Variants in NPHP4 observed in about 807,000 individuals in gnomAD.
The protein encoded by NPHP4 is nephrocystin-4.
NPHP4 carries 151 observed loss-of-function variants against 155.8 expected under a neutral mutation model. The observed-to-expected ratio is 0.97, with a 90% CI of 0.85 to 1.11. The LOEUF is 1.11. NPHP4 is among the 50% of genes least tolerant of loss of function. The pLI, the probability that NPHP4 is intolerant of heterozygous loss-of-function variation, is 0.00. For missense variants in NPHP4, 1,956 were observed against 1,925.7 expected (o/e 1.02, Z -0.29); for synonymous variants, 845 against 816.8 (o/e 1.03, Z -0.59).
chr1:5,938,889 A>G (rs1003114018), intron 9 of NPHP4, among the ~76,000 whole-genome samples: 2 of 152,266 alleles, frequency 1.3e-5, no homozygotes, highest in Admixed American at 1.3e-4. Context: ...ACTGTTAGAG[A>G]ACGATGTTAA....
chr1:5,874,863 T>C lies in NPHP4; in HGVS notation c.3044+11A>G. 2 of 1,611,530 alleles carry C rather than the reference T, an allele frequency of 1.2e-6. No individual in the cohort carries two copies. Among genetic ancestry groups the C allele is most frequent in the Non-Finnish European group, 8.5e-7 (1 of 1,177,870 alleles). ...TGGGCTGGGGCAGGACGGGCACCAC[T>C]GAGACCTCACCTGAGCTCGGGGTTG... On this transcript the variant is annotated intron_variant, in intron 21 of 29. Coordinates refer to ENST00000378156, the MANE Select transcript of NPHP4 (RefSeq NM_015102.5).
chr1:5,931,733 C>CAAAAAA (rs60217132), intron 10 of NPHP4, among the ~76,000 whole-genome samples: 1 of 79,312 alleles, frequency 1.3e-5, no homozygotes, highest in African/African-American at 4.8e-5. Flanking sequence ...GACTTCATCT[C>CAAAAAA]AAAAAAAAAA....
At position 5,986,279 on chromosome 1, in the gene NPHP4, C is replaced by T; in HGVS notation, c.11G>A (p.Trp4Ter). MND[W>*]HRIFTQNVLV... Reference sequence around the variant, plus strand: ...CACGTTTTGGGTGAAGATCCTGTGCCAGTCGTTCATCCTGCCCGCCTGAGG... The same window carrying T: ...CACGTTTTGGGTGAAGATCCTGTGCTAGTCGTTCATCCTGCCCGCCTGAGG... Residue 4 changes from tryptophan to a stop codon, truncating the protein, a stop_gained, in exon 2 of 30, where the codon TGG becomes TAG. Coordinates refer to ENST00000378156, the MANE Select transcript of NPHP4 (RefSeq NM_015102.5). LOFTEE classifies it high-confidence loss of function. 1 of 1,613,802 alleles carries T rather than the reference C, an allele frequency of 6.2e-7. No homozygotes were observed.
intron 1 of NPHP4, among the ~76,000 whole-genome samples, chr1:5,986,779 G>C (rs371706023): frequency 1.6e-4 from 25 of 152,250 alleles, no homozygotes; most frequent in African/African-American, 5.8e-4. Flanking sequence ...GCCAGACTCA[G>C]GGCACGACTC....
At chr1:5,931,799 G>T (rs747573626) in intron 10 of NPHP4, among the ~76,000 whole-genome samples, 1 of 150,586 alleles carries the variant, frequency 6.6e-6, no homozygotes, top group South Asian at 2.1e-4. Flanking sequence ...GCCATTATAG[G>T]TATGGTGACT....
chr1:5,879,777 G>A (rs11121921), intron 19 of NPHP4: 269,771 of 350,438 alleles, frequency 0.77, 103,049 homozygotes, highest in East Asian at 0.84. Flanking sequence ...CGAATGGTGC[G>A]CACACACACA....
In NPHP4 at chr1:5,905,611, C is replaced by T; in HGVS notation, c.1763+21G>A. The stretch of plus-strand genomic sequence containing the variant: ...GGCACAGCACGTGACTGGTTCCATC[C>T]CACCCAGACCCACACCTCACCTCCT... On this transcript the variant is annotated intron_variant, in intron 14 of 29. Transcript: ENST00000378156. This position sits in a 1 kb window ranked among gnomAD's most constrained non-coding sequence, Gnocchi z 4.0. 2.5e-6 allele frequency: 4 copies of T among 1,613,482 alleles called. No homozygotes were observed. Among genetic ancestry groups the T allele is most frequent in the Non-Finnish European group, 3.4e-6 (4 of 1,179,616 alleles).
rs957890718 is a variant in NPHP4, at chr1:5,892,874, T to A, written c.2144-1846A>T. Reference sequence around the variant, plus strand: ...CCCTGTCCTCCCCAAGCCCACCTCCTGCACCCCCTTCACAAACACCACGCC... The same window carrying A: ...CCCTGTCCTCCCCAAGCCCACCTCCAGCACCCCCTTCACAAACACCACGCC... On this transcript the variant is annotated intron_variant, in intron 16 of 29. Coordinates refer to ENST00000378156, the MANE Select transcript of NPHP4 (RefSeq NM_015102.5). This position sits in a 1 kb window ranked among gnomAD's most constrained non-coding sequence, Gnocchi z 4.5. Among the ~76,000 whole-genome samples the A allele has an allele frequency of 2.0e-5, 3 of 152,156 alleles. No individual in the cohort carries two copies. Among genetic ancestry groups the A allele is most frequent in the Non-Finnish European group, 4.4e-5 (3 of 68,014 alleles).
intron 16 of NPHP4, among the ~76,000 whole-genome samples, chr1:5,902,187 A>C (rs1644714931): frequency 6.6e-6 from 1 of 152,220 alleles, no homozygotes; most frequent in Non-Finnish European, 1.5e-5. Context: ...CTAACTAACT[A>C]GGCTGCTCAC....
rs758603352 is a variant in NPHP4 at position 5,905,506 on chromosome 1, G to A, written c.1764-23C>T. ...GAGCTGAGACACAGAGACTCCTCAGGTAGCCTCCCGGGAAAGGGGGGACCC... is the reference window on the plus strand; with the variant it reads ...GAGCTGAGACACAGAGACTCCTCAGATAGCCTCCCGGGAAAGGGGGGACCC... On this transcript the variant is annotated intron_variant, in intron 14 of 29. Coordinates refer to ENST00000378156, the MANE Select transcript of NPHP4 (RefSeq NM_015102.5). The surrounding 1 kb of genome is among the most constrained non-coding windows in gnomAD (Gnocchi z 4.0). The A allele has an allele frequency of 1.3e-6, 2 of 1,598,504 alleles. No homozygotes were observed. Among genetic ancestry groups the A allele is most frequent in the Non-Finnish European group, 1.7e-6 (2 of 1,168,644 alleles).
intron 23 of NPHP4, among the ~76,000 whole-genome samples, chr1:5,869,768 C>T (rs1041046887): frequency 4.6e-5 from 7 of 152,166 alleles, no homozygotes; most frequent in Non-Finnish European, 1.0e-4. Context: ...GTGTGGTCAG[C>T]AGATTGGTTA....
chr1:5,883,074 C>T (rs914987875), intron 18 of NPHP4, among the ~76,000 whole-genome samples: 8 of 152,176 alleles, frequency 5.3e-5, no homozygotes, highest in Non-Finnish European at 8.8e-5. Context: ...CTCTCCACCA[C>T]GGCGCCAGGT....
intron 18 of NPHP4, among the ~76,000 whole-genome samples, chr1:5,885,930 G>A (rs10779788): frequency 0.61 from 92,593 of 152,068 alleles, 28,224 homozygotes; most frequent in East Asian, 0.75. Context: ...TCCCTCTCCC[G>A]TCAGCGCCGG....
At chr1:5,891,938 T>C (rs981652236) in intron 16 of NPHP4, among the ~76,000 whole-genome samples, 10 of 152,094 alleles carry the variant, frequency 6.6e-5, no homozygotes, top group Non-Finnish European at 1.3e-4. Flanking sequence ...ACAGGGGACC[T>C]AGGGGGAGCG....
At chr1:5,903,423 T>C (rs764893281) in intron 16 of NPHP4, among the ~76,000 whole-genome samples, 17 of 152,190 alleles carry the variant, frequency 1.1e-4, no homozygotes, top group Non-Finnish European at 2.4e-4. Context: ...CATTTTAACA[T>C]CACTTTTCCC....
chr1:5,945,910 C>T (rs955862548), intron 9 of NPHP4, among the ~76,000 whole-genome samples: 2 of 152,062 alleles, frequency 1.3e-5, no homozygotes, highest in South Asian at 4.1e-4. Flanking sequence ...TTGTCCCCCC[C>T]CAGGGCGTGA....
chr1:5,872,338 C>T (rs758477318), intron 23 of NPHP4, among the ~76,000 whole-genome samples: 21 of 152,214 alleles, frequency 1.4e-4, no homozygotes, highest in Non-Finnish European at 2.4e-4. Context: ...CCTCTGTCTA[C>T]GGTCATCCAC....
At chr1:5,963,786 C>A (rs2102171547) in intron 5 of NPHP4, among the ~76,000 whole-genome samples, 1 of 150,476 alleles carries the variant, frequency 6.6e-6, no homozygotes, top group Non-Finnish European at 1.5e-5. Flanking sequence ...CTCCCGAGTT[C>A]AAGCAATTCT....
chr1:5,936,025 T>C (rs1231148495), intron 9 of NPHP4, among the ~76,000 whole-genome samples: 1 of 152,182 alleles, frequency 6.6e-6, no homozygotes, highest in Non-Finnish European at 1.5e-5. Flanking sequence ...AAGTAAAATA[T>C]GTATCTACGT....
Sources: allele counts gnomAD v4.1 joint callset (sites outside exome capture counted in the v4.1 genomes callset), GRCh38; gene constraint gnomAD v4.1.1; non-coding constraint Gnocchi (gnomAD v3.1); transcripts MANE v1.5; gene names NCBI Gene and HGNC (gene_info 2026-07-23, HGNC 2026-07-21).